IGSF11: variants seen among roughly 807,000 people sequenced by gnomAD.
IGSF11 encodes CXADR like 1.
A neutral mutation model predicts 41.0 loss-of-function variants in IGSF11; 22 were observed. The ratio of observed to expected loss-of-function variants is 0.54; its 90% CI spans 0.38 to 0.77. The LOEUF (loss-of-function observed/expected upper bound fraction) is 0.77, where lower values mean the gene tolerates loss of function less well. Ranked by LOEUF, IGSF11 falls within the 30% of genes least tolerant of loss-of-function variation. IGSF11 has a pLI of 0.00. For synonymous variants in IGSF11, 219 were observed against 201.3 expected (o/e 1.09, Z -0.74); for missense variants, 444 against 530.8 (o/e 0.84, Z 1.61).
chr3:119,029,888 T>C (rs1648853363), intron 1 of IGSF11, among the ~76,000 whole-genome samples: 1 of 152,242 alleles, frequency 6.6e-6, no homozygotes, highest in African/African-American at 2.4e-5. Context: ...TACATATTTG[T>C]TACCCTCAGT....
intron 1 of IGSF11, among the ~76,000 whole-genome samples, chr3:119,110,408 A>G (rs376644944): frequency 7.2e-5 from 11 of 152,108 alleles, no homozygotes; most frequent in East Asian, 3.9e-4. Flanking sequence ...GACTAGGATT[A>G]CAACCCCTGC....
intron 1 of IGSF11, among the ~76,000 whole-genome samples, chr3:119,098,246 T>G (rs1329713361): frequency 6.6e-6 from 1 of 152,130 alleles, no homozygotes; most frequent in Non-Finnish European, 1.5e-5. Context: ...TACTTAACCT[T>G]TTTTGTGCCT....
At chr3:118,992,515 T>C (rs1437144632) in intron 1 of IGSF11, among the ~76,000 whole-genome samples, 1 of 152,236 alleles carries the variant, frequency 6.6e-6, no homozygotes, top group Non-Finnish European at 1.5e-5. Context: ...TTCTTGCAAA[T>C]ATCTCTTCAA....
intron 1 of IGSF11, among the ~76,000 whole-genome samples, chr3:119,043,547 G>A (rs1941202868): frequency 6.6e-6 from 1 of 152,122 alleles, no homozygotes; most frequent in African/African-American, 2.4e-5. Context: ...GCTAACCAGA[G>A]GTCCTGAGTC....
intron 4 of IGSF11, among the ~76,000 whole-genome samples, chr3:118,911,627 C>T (rs1940309103): frequency 6.6e-6 from 1 of 150,928 alleles, no homozygotes; most frequent in African/African-American, 2.4e-5. Context: ...CAGAGCAAGA[C>T]TTTGTCTCTA....
Position 118,917,434 on chromosome 3 carries a change from G to A in IGSF11, c.580+8667C>T, listed in dbSNP as rs1173405610. ...AAAATGATAAAGGGGTATCACCACC[G>A]ATCCCACAGAAATACAAACTACCAT... On this transcript the variant is annotated intron_variant, in intron 4 of 6. Transcript: ENST00000393775. Among the ~76,000 whole-genome samples, 182 of 147,572 alleles carry A rather than the reference G, an allele frequency of 1.2e-3. 3 individuals are homozygous for A. Among genetic ancestry groups the A allele is most frequent in the African/African-American group, 6.2e-4 (24 of 38,650 alleles).
intron 1 of IGSF11, among the ~76,000 whole-genome samples, chr3:119,128,038 A>G (rs1384375161): frequency 6.6e-6 from 1 of 152,218 alleles, no homozygotes; most frequent in Non-Finnish European, 1.5e-5. Context: ...GACATGATCA[A>G]ACTCCAAACG....
In IGSF11 at chr3:119,048,259, A is replaced by C. The variant is rs1443056991; in HGVS notation, c.49+56885T>G. Among the ~76,000 whole-genome samples the C allele has an allele frequency of 2.0e-5, 3 of 152,142 alleles. No homozygotes were observed. The East Asian group carries it at 5.8e-4, about 29-fold the overall frequency. On this transcript the variant is annotated intron_variant, in intron 1 of 6. Coordinates refer to the IGSF11 transcript ENST00000354673. ...AATTGATAGACCGCTAGCAAGACAA[A>C]TAAAGAAAAAAAGAGAGAAGAATCA...
At chr3:119,138,158 CAA>C (rs71156733) in intron 1 of IGSF11, among the ~76,000 whole-genome samples, 19,564 of 134,034 alleles carry the variant, frequency 0.15, 1,285 homozygotes, top group East Asian at 0.27. Context: ...GGTTCCTCAA[CAA>C]AAAAAAAAAA....
chr3:119,128,088 G>A (rs948299942), intron 1 of IGSF11, among the ~76,000 whole-genome samples: 2 of 152,204 alleles, frequency 1.3e-5, no homozygotes, highest in Admixed American at 1.3e-4. Context: ...ACTGGGCACA[G>A]TGACTCACAC....
In IGSF11 at chr3:119,009,666, G is replaced by A. The variant is rs182291755; in HGVS notation, c.52+24865C>T. ...CCTCAGGTAGTATCTTAATAGCAGT[G>A]TGAGAACGAATACAATGATCAACAG... is the stretch of plus-strand genomic sequence containing the variant. On this transcript the variant is annotated intron_variant, in intron 1 of 6. Coordinates refer to ENST00000393775, the MANE Select transcript of IGSF11 (RefSeq NM_001015887.3). Among the ~76,000 whole-genome samples the A allele has an allele frequency of 2.0e-5, 3 of 152,272 alleles. No individual in the cohort carries two copies. The East Asian group carries it at 5.8e-4, about 29-fold the overall frequency.
At position 118,982,466 on chromosome 3, in the gene IGSF11, C is replaced by A. The variant is rs147877498; in HGVS notation, c.52+52065G>T. Among the ~76,000 whole-genome samples, 77 of 152,170 alleles carry A rather than the reference C, an allele frequency of 5.1e-4. 1 individual carries two copies. The highest frequency in any genetic ancestry group is 1.8e-3 in the African/African-American group (74 of 41,518). On this transcript the variant is annotated intron_variant, in intron 1 of 6. Coordinates refer to ENST00000393775, the MANE Select transcript of IGSF11 (RefSeq NM_001015887.3). ...ACTAATAAAATTATTAATGACCACTCCAGAATATAACTGTTTCCCATTTAG... is the reference window on the plus strand; with the variant it reads ...ACTAATAAAATTATTAATGACCACTACAGAATATAACTGTTTCCCATTTAG...
At chr3:119,145,450 A>G (rs921276706) in intron 1 of IGSF11, among the ~76,000 whole-genome samples, 3 of 152,188 alleles carry the variant, frequency 2.0e-5, no homozygotes, top group African/African-American at 4.8e-5. Flanking sequence ...CAAATTCTCC[A>G]CTTGCTAAAT....
At chr3:119,092,003 G>GA (rs1491121963) in intron 1 of IGSF11, among the ~76,000 whole-genome samples, 2 of 132,564 alleles carry the variant, frequency 1.5e-5, no homozygotes, top group African/African-American at 5.5e-5. Flanking sequence ...TGGGGGGGGG[G>GA]GGTTGGTGGT....
At chr3:119,143,892 G>A (rs180694911) in intron 1 of IGSF11, among the ~76,000 whole-genome samples, 250 of 152,096 alleles carry the variant, frequency 1.6e-3, no homozygotes, top group Non-Finnish European at 2.8e-3. Context: ...TGATAAAAGC[G>A]TCAATTAAAC....
chr3:118,943,351 A>C (rs530835664), intron 1 of IGSF11, among the ~76,000 whole-genome samples: 1 of 152,370 alleles, frequency 6.6e-6, no homozygotes, highest in East Asian at 1.9e-4. Flanking sequence ...AGTAAAGTTT[A>C]AAAATAAATC....
At chr3:119,139,969 T>G (rs1200301687) in intron 1 of IGSF11, among the ~76,000 whole-genome samples, 1 of 152,164 alleles carries the variant, frequency 6.6e-6, no homozygotes, top group African/African-American at 2.4e-5. Context: ...AAGATTAAAC[T>G]AACTGTAATA....
intron 1 of IGSF11, among the ~76,000 whole-genome samples, chr3:119,130,309 G>A (rs1366887391): frequency 4.6e-5 from 7 of 152,168 alleles, no homozygotes; most frequent in Non-Finnish European, 1.0e-4. Context: ...CTAGCCAAGG[G>A]AATCCATGAT....
intron 1 of IGSF11, among the ~76,000 whole-genome samples, chr3:119,143,362 G>GT (rs1278194913): frequency 6.6e-6 from 1 of 152,110 alleles, no homozygotes; most frequent in Non-Finnish European, 1.5e-5. Context: ...TAACAGCAGG[G>GT]TTTTGTATAC....
Sources: gnomAD v4.1 joint callset for allele counts (sites outside exome capture counted in the v4.1 genomes callset) on GRCh38, gnomAD v4.1.1 for gene constraint, MANE v1.5 for transcripts, NCBI Gene and HGNC (gene_info 2026-07-23, HGNC 2026-07-21) for gene names.